The following USH2A variants were observed in gnomAD, a reference collection of about 807,000 sequenced individuals.
USH2A encodes the protein Usher syndrome 2A (autosomal recessive, mild).
Under a neutral mutation model 538.9 loss-of-function variants are expected in USH2A, and 443 were observed. The ratio of observed to expected loss-of-function variants is 0.82; its 90% CI spans 0.76 to 0.89. The LOEUF (loss-of-function observed/expected upper bound fraction) is 0.89. Ranked by LOEUF, USH2A falls within the 40% of genes least tolerant of loss-of-function variation. USH2A has a pLI of 0.00. For missense variants in USH2A, 6,633 were observed against 6,324.8 expected (o/e 1.05, Z -1.65); for synonymous variants, 2,413 against 2,273.5 (o/e 1.06, Z -1.75).
chr1:216,072,410 T>A (rs2031585789), intron 29 of USH2A: 1 of 213,296 alleles, frequency 4.7e-6, no homozygotes, highest in Non-Finnish European at 9.5e-6. Flanking sequence ...ATTCTAATAG[T>A]CAACAACGGG....
intron 3 of USH2A, among the ~76,000 whole-genome samples, chr1:216,377,855 G>GAA (rs1182627810): frequency 7.5e-6 from 1 of 134,136 alleles, no homozygotes; most frequent in African/African-American, 2.8e-5. Context: ...AAGAAAGAAA[G>GAA]AAAGAAAGAA....
chr1:215,824,073 G>A (rs1004552596), intron 47 of USH2A, among the ~76,000 whole-genome samples: 5 of 151,838 alleles, frequency 3.3e-5, no homozygotes, highest in Admixed American at 6.6e-5. Context: ...CTACTTCCCT[G>A]TTTAAAGAAG....
chr1:215,973,625 A>C (rs1394286836), intron 35 of USH2A, among the ~76,000 whole-genome samples: 2 of 147,964 alleles, frequency 1.4e-5, no homozygotes, highest in Admixed American at 6.7e-5. Flanking sequence ...TCTCAGTGAC[A>C]GTTTCTCCAA....
chr1:216,036,028 T>A (rs1311416928), intron 32 of USH2A, among the ~76,000 whole-genome samples: 1 of 152,100 alleles, frequency 6.6e-6, no homozygotes, highest in East Asian at 1.9e-4. Flanking sequence ...ATGAGTCAAA[T>A]GAAGATGTGG....
chr1:215,633,683 G>A (rs1333762872), intron 70 of USH2A, among the ~76,000 whole-genome samples: 1 of 152,172 alleles, frequency 6.6e-6, no homozygotes, highest in Non-Finnish European at 1.5e-5. Context: ...GGGAGACGTA[G>A]CCCTGTGGGC....
rs183181217 is a variant in USH2A, at chr1:215,942,698, C to T, written c.7121-7903G>A. Among the ~76,000 whole-genome samples the T allele has an allele frequency of 3.3e-5, 5 of 152,216 alleles. No homozygotes were observed. In the East Asian group the frequency reaches 9.7e-4, roughly 29 times the overall value. ...AAATGACCGACATGAATTTTGAAAC[C>T]TAAAAGAAGAAAGAGATGGTAAATT... is the stretch of plus-strand genomic sequence containing the variant. On this transcript the variant is annotated intron_variant, in intron 37 of 71. Coordinates refer to ENST00000307340, the MANE Select transcript of USH2A (RefSeq NM_206933.4).
intron 32 of USH2A, among the ~76,000 whole-genome samples, chr1:216,013,032 A>C (rs1668614346): frequency 6.6e-6 from 1 of 152,090 alleles, no homozygotes; most frequent in African/African-American, 2.4e-5. Context: ...GCTATCCCCA[A>C]ACTGCCACTC....
At chr1:215,649,647 A>T (rs1656984581) in intron 65 of USH2A, among the ~76,000 whole-genome samples, 1 of 152,188 alleles carries the variant, frequency 6.6e-6, no homozygotes, top group African/African-American at 2.4e-5. Context: ...GCCTCCCTGT[A>T]TGTAAGTTAT....
intron 14 of USH2A, among the ~76,000 whole-genome samples, chr1:216,221,003 T>G (rs1251002844): frequency 6.6e-6 from 1 of 151,924 alleles, no homozygotes. Context: ...TTCGGCAGAG[T>G]TTTTTTGTTT....
At position 216,155,718 on chromosome 1, in the gene USH2A, C is replaced by A. The variant is rs200702825; in HGVS notation, c.4627+19534G>T. On this transcript the variant is annotated intron_variant, in intron 21 of 71. Transcript: ENST00000307340. ...AAACTTTTTACTGCAATGCTGCAGT[C>A]TCGGTTAATTGATTTTGTTTATGAA... Among the ~76,000 whole-genome samples the A allele has an allele frequency of 3.3e-5, 5 of 152,158 alleles. No homozygotes were observed. In the East Asian group the frequency reaches 9.7e-4, roughly 29 times the overall value.
At chr1:216,347,291 T>C (rs2038197130) in intron 4 of USH2A, among the ~76,000 whole-genome samples, 2 of 152,140 alleles carry the variant, frequency 1.3e-5, no homozygotes, top group African/African-American at 4.8e-5. Context: ...GTCTTCCCTC[T>C]ATTAATGAGT....
chr1:215,793,266 A>G (rs1212966706), intron 50 of USH2A, among the ~76,000 whole-genome samples: 5 of 152,144 alleles, frequency 3.3e-5, no homozygotes, highest in Non-Finnish European at 5.9e-5. Flanking sequence ...TTTGAGATAA[A>G]AATAGTATAG....
intron 41 of USH2A, among the ~76,000 whole-genome samples, chr1:215,887,822 G>T (rs944175370): frequency 2.0e-5 from 3 of 152,164 alleles, no homozygotes; most frequent in Non-Finnish European, 4.4e-5. Flanking sequence ...AAGCCTGTGT[G>T]TATTTACACA....
At chr1:216,342,837 G>C (rs549691058) in intron 4 of USH2A, among the ~76,000 whole-genome samples, 2 of 152,072 alleles carry the variant, frequency 1.3e-5, no homozygotes, top group South Asian at 4.1e-4. Context: ...GGGCCTTTCA[G>C]GTGTGGGGAG....
chr1:216,261,107 A>G (rs539660478), intron 11 of USH2A, among the ~76,000 whole-genome samples: 1 of 152,302 alleles, frequency 6.6e-6, no homozygotes, highest in South Asian at 2.1e-4. Context: ...TGAATGACAG[A>G]AACAAAAATA....
chr1:216,127,599 T>C (rs1456744634), intron 21 of USH2A, among the ~76,000 whole-genome samples: 1 of 152,200 alleles, frequency 6.6e-6, no homozygotes, highest in Non-Finnish European at 1.5e-5. Context: ...CCATCTGTGC[T>C]GCATGCCATT....
chr1:215,852,320 T>C (rs1664039245), intron 44 of USH2A, among the ~76,000 whole-genome samples: 1 of 152,152 alleles, frequency 6.6e-6, no homozygotes, highest in South Asian at 2.1e-4. Flanking sequence ...TCATCAGACT[T>C]ATTCACTATC....
Position 215,655,725 on chromosome 1 carries a change from C to CTTTTTTTTTTTTTTTT in USH2A, c.14134-4940_14134-4925dup, listed in dbSNP as rs766225635. On this transcript the variant is annotated intron_variant, in intron 64 of 71. Coordinates refer to ENST00000307340, the MANE Select transcript of USH2A (RefSeq NM_206933.4). The stretch of plus-strand genomic sequence containing the variant: ...TGCTTCTGTTACTGTGCTAGTTATT[C>CTTTTTTTTTTTTTTTT]TTTTTTTTTTTTTTTTTTTTTTTTC... 9.5e-4 allele frequency among the ~76,000 whole-genome samples: 91 copies of CTTTTTTTTTTTTTTTT among 96,190 alleles called. 2 individuals are homozygous for CTTTTTTTTTTTTTTTT. Among genetic ancestry groups the CTTTTTTTTTTTTTTTT allele is most frequent in the African/African-American group, 3.3e-3 (86 of 25,936 alleles). The allele number at this position is 96,190 out of a possible 152,430, so 63.1% of individuals were successfully genotyped here.
At chr1:216,073,327 G>A (rs756750937) in intron 27 of USH2A, 27 bp from the exon 28 acceptor site, 41 of 1,527,344 alleles carry the variant, frequency 2.7e-5, no homozygotes, top group Middle Eastern at 1.7e-4. Flanking sequence ...GATTAGTATC[G>A]CATAAAGGGC....
Sources: allele counts gnomAD v4.1 joint callset (sites outside exome capture counted in the v4.1 genomes callset), GRCh38; gene constraint gnomAD v4.1.1; transcripts MANE v1.5; gene names NCBI Gene and HGNC (gene_info 2026-07-23, HGNC 2026-07-21).